Variants in KALRN observed in about 807,000 individuals in gnomAD.
The protein encoded by KALRN is kalirin.
KALRN carries 70 observed loss-of-function variants against 353.7 expected under a neutral mutation model. The ratio of observed to expected loss-of-function variants is 0.20; its 90% confidence interval spans 0.16 to 0.24. The LOEUF (loss-of-function observed/expected upper bound fraction) is 0.24. KALRN is among the 10% of genes least tolerant of loss of function. The probability of loss-of-function intolerance (pLI) is 1.00; values close to 1 mark genes in which losing one functional copy is unlikely to be tolerated. For missense variants in KALRN, 2,791 were observed against 3,756.7 expected, an observed-to-expected ratio of 0.74 and a Z score of 6.72; for synonymous variants, 1,391 against 1,434.8, an observed-to-expected ratio of 0.97 and a Z score of 0.69.
chr3:124,679,588 T>A, intron 51 of KALRN, 71 bp downstream of exon 51: 1 of 1,279,006 alleles, frequency 7.8e-7, no homozygotes, highest in Non-Finnish European at 1.1e-6. Flanking sequence ...AACAGTGACC[T>A]TGCTAAAATG....
chr3:124,499,975 A>G (rs974591819), intron 33 of KALRN, among the ~76,000 whole-genome samples: 1 of 152,222 alleles, frequency 6.6e-6, no homozygotes, highest in Non-Finnish European at 1.5e-5. Context: ...AATGGGTCCT[A>G]TAAATACATC....
chr3:124,306,271 G>A (rs886296531), intron 6 of KALRN, among the ~76,000 whole-genome samples: 8 of 151,734 alleles, frequency 5.3e-5, no homozygotes, highest in African/African-American at 1.9e-4. Context: ...ATGGGATTTT[G>A]CCATGTTGCT....
At chr3:124,408,623 A>G (rs1007410081) in intron 13 of KALRN, among the ~76,000 whole-genome samples, 1 of 152,246 alleles carries the variant, frequency 6.6e-6, no homozygotes, top group East Asian at 1.9e-4. Flanking sequence ...TGTTGCCAAC[A>G]TCTAAACACT....
At chr3:124,659,300 C>A (rs1235077081) in intron 42 of KALRN, 65 bp from the exon 43 acceptor site, 1 of 1,062,478 alleles carries the variant, frequency 9.4e-7, no homozygotes, top group Non-Finnish European at 1.5e-6. Flanking sequence ...TGCCTTTGAA[C>A]CCTTATTCAA....
chr3:124,218,132 T>A (rs573851287), intron 1 of KALRN, among the ~76,000 whole-genome samples: 1 of 152,134 alleles, frequency 6.6e-6, no homozygotes, highest in Non-Finnish European at 1.5e-5. Flanking sequence ...GGAGAGGTGG[T>A]TGAGGGGAGA....
intron 37 of KALRN, among the ~76,000 whole-genome samples, chr3:124,646,676 C>A (rs1381884742): frequency 1.4e-5 from 2 of 147,450 alleles, no homozygotes; most frequent in African/African-American, 5.0e-5. Context: ...CGGGCATGAG[C>A]CACTGCGCCC....
chr3:124,385,045 A>C lies in KALRN; in HGVS notation c.1962+9A>C, dbSNP rs1391681659. ...ACACACACACCAAAGAGGTAAGGGG[A>C]GCTAGTGGAGAGAGGGCATTCTGTC... On this transcript the variant is annotated intron_variant, in intron 11 of 59. Transcript: ENST00000682506. The C allele has an allele frequency of 6.4e-7, 1 of 1,573,622 alleles. No individual in the cohort carries two copies. Among genetic ancestry groups the C allele is most frequent in the Admixed American group, 1.7e-5 (1 of 57,770 alleles).
intron 51 of KALRN, 111 bp downstream of exon 51, chr3:124,679,628 TG>T (rs751031563): frequency 2.2e-6 from 2 of 919,742 alleles, no homozygotes; most frequent in Non-Finnish European, 3.7e-6. Context: ...ATTGTGATGT[TG>T]GGGCATCTCT....
chr3:124,144,641 C>CTCCTCTTCCTCATCCTCT (rs1446106788), intron 1 of KALRN, among the ~76,000 whole-genome samples: 5 of 92,644 alleles, frequency 5.4e-5, no homozygotes, highest in Non-Finnish European at 1.3e-4. Flanking sequence ...CCTCATCCTC[C>CTCCTCTTCCTCATCCTCT]TCCTCTTCCT....
intron 5 of KALRN, among the ~76,000 whole-genome samples, chr3:124,289,536 T>G (rs756056042): frequency 1.3e-5 from 2 of 152,248 alleles, no homozygotes; most frequent in Non-Finnish European, 2.9e-5. Flanking sequence ...CATCTGTTAC[T>G]TCATAAGGCT....
intron 34 of KALRN, among the ~76,000 whole-genome samples, chr3:124,579,604 T>C (rs1008764858): frequency 6.6e-6 from 1 of 152,124 alleles, no homozygotes; most frequent in African/African-American, 2.4e-5. Context: ...GGAATAAAGC[T>C]TTAGGAAGAA....
chr3:124,069,282 C>A (rs1182454505), intron 1 of KALRN, among the ~76,000 whole-genome samples: 1 of 140,920 alleles, frequency 7.1e-6, no homozygotes, highest in African/African-American at 2.8e-5. Flanking sequence ...TATTGGATCA[C>A]CCTGGAGGGA....
intron 1 of KALRN, among the ~76,000 whole-genome samples, chr3:124,145,792 C>T: frequency 6.6e-6 from 1 of 152,178 alleles, no homozygotes; most frequent in Non-Finnish European, 1.5e-5. Flanking sequence ...TGTCTTCTCC[C>T]TCTGTGGAAG....
At chr3:124,147,384 T>C (rs1560077511) in intron 1 of KALRN, among the ~76,000 whole-genome samples, 1 of 152,172 alleles carries the variant, frequency 6.6e-6, no homozygotes, top group Non-Finnish European at 1.5e-5. Context: ...TGTGGACTTT[T>C]ATCTGACAGT....
At chr3:124,261,600 T>C (rs1246797307) in intron 3 of KALRN, among the ~76,000 whole-genome samples, 1 of 152,214 alleles carries the variant, frequency 6.6e-6, no homozygotes, top group Non-Finnish European at 1.5e-5. Context: ...TTGTCAGAAA[T>C]GATTAGTTAA....
At chr3:124,257,196 A>G (rs775656198) in intron 3 of KALRN, among the ~76,000 whole-genome samples, 5 of 152,244 alleles carry the variant, frequency 3.3e-5, no homozygotes, top group Non-Finnish European at 7.3e-5. Context: ...CCTACTATTT[A>G]TTAAATGCAT....
At chr3:124,217,551 T>C (rs2077460218) in intron 1 of KALRN, among the ~76,000 whole-genome samples, 2 of 152,318 alleles carry the variant, frequency 1.3e-5, no homozygotes, top group South Asian at 4.1e-4. Flanking sequence ...AAAACCTCTC[T>C]TCTGTAATCT....
intron 1 of KALRN, among the ~76,000 whole-genome samples, chr3:124,051,314 G>A (rs1429022559): frequency 6.6e-6 from 1 of 152,168 alleles, no homozygotes; most frequent in Non-Finnish European, 1.5e-5. Flanking sequence ...TTGGTGTTTT[G>A]GTCTGATAAA....
At chr3:124,077,902 A>G (rs2060340430) in intron 1 of KALRN, among the ~76,000 whole-genome samples, 1 of 152,208 alleles carries the variant, frequency 6.6e-6, no homozygotes, top group Admixed American at 6.5e-5. Context: ...CAACTGTGAC[A>G]TCATGGGCAG....
Sources: allele counts gnomAD v4.1 joint callset (sites outside exome capture counted in the v4.1 genomes callset), GRCh38; gene constraint gnomAD v4.1.1; transcripts MANE v1.5; gene names NCBI Gene and HGNC (gene_info 2026-07-23, HGNC 2026-07-21).